The following JAM2 variants were observed in gnomAD, a reference collection of about 807,000 sequenced individuals.
JAM2 encodes junctional adhesion molecule 2, also known as junctional adhesion molecule B.
JAM2 carries 17 observed loss-of-function variants against 42.0 expected under a neutral mutation model. The observed-to-expected ratio is 0.40, with a 90% confidence interval of 0.28 to 0.61. JAM2 has a LOEUF of 0.61. JAM2 is among the 20% of genes least tolerant of loss of function. The probability of loss-of-function intolerance (pLI) is 0.37; values close to 1 mark genes in which losing one functional copy is unlikely to be tolerated. For missense variants in JAM2, 319 were observed against 358.3 expected, an observed-to-expected ratio of 0.89 and a Z score of 0.89; for synonymous variants, 118 against 128.6, an observed-to-expected ratio of 0.92 and a Z score of 0.56.
intron 1 of JAM2, among the ~76,000 whole-genome samples, chr21:25,674,939 A>C (rs1314366066): frequency 6.6e-6 from 1 of 151,964 alleles, no homozygotes; most frequent in African/African-American, 2.4e-5. Context: ...GCAACTTTTT[A>C]TATTTGTTAG....
chr21:25,664,808 C>T (rs2033177990), intron 1 of JAM2, among the ~76,000 whole-genome samples: 1 of 152,126 alleles, frequency 6.6e-6, no homozygotes, highest in Non-Finnish European at 1.5e-5. Flanking sequence ...CCAATAAGTC[C>T]TTTTATACAA....
In JAM2 at chr21:25,639,661, A is replaced by AG; in HGVS notation, c.-156dup. 1 of 508,674 alleles carries AG rather than the reference A, an allele frequency of 2.0e-6. No individual in the cohort carries two copies. Among genetic ancestry groups the AG allele is most frequent in the Non-Finnish European group, 3.5e-6 (1 of 288,350 alleles). 31.5% of individuals were successfully genotyped at this position (508,674 alleles called of 1,614,324 possible). On this transcript the variant is annotated 5_prime_UTR_variant, in exon 1 of 10. Coordinates refer to ENST00000480456, the MANE Select transcript of JAM2 (RefSeq NM_021219.4). ...AGCCAGCTGAGAAGGCGCCCCGGGG[A>AG]GGGGGAAACTGACATCCCATCTAGA... is the stretch of plus-strand genomic sequence containing the variant.
At chr21:25,673,749 C>G (rs1051608351) in intron 1 of JAM2, among the ~76,000 whole-genome samples, 5 of 152,160 alleles carry the variant, frequency 3.3e-5, no homozygotes, top group African/African-American at 4.8e-5. Flanking sequence ...AACACTGTGA[C>G]CTCCAGCAAC....
intron 2 of JAM2, 88 bp downstream of exon 2, chr21:25,684,036 A>T: frequency 1.2e-6 from 1 of 823,136 alleles, no homozygotes. Flanking sequence ...ATTTGTTGGG[A>T]TTCTCTGCCT....
chr21:25,687,087 AT>A (rs1183088294), intron 2 of JAM2, among the ~76,000 whole-genome samples: 1 of 152,184 alleles, frequency 6.6e-6, no homozygotes, highest in Non-Finnish European at 1.5e-5. Flanking sequence ...TTTATTTCAA[AT>A]TGGAGTGATT....
chr21:25,702,323 C>A, intron 6 of JAM2, 54 bp downstream of exon 6: 2 of 1,134,298 alleles, frequency 1.8e-6, no homozygotes, highest in Non-Finnish European at 2.6e-6. Context: ...CTGTGAAGTA[C>A]AGCAGTTGGG....
At chr21:25,683,840 C>T (rs1340515626) in intron 1 of JAM2, 43 bp from the exon 2 acceptor site, 31 of 1,422,438 alleles carry the variant, frequency 2.2e-5, no homozygotes, top group Non-Finnish European at 2.7e-5. Context: ...TGAAAATGAA[C>T]TTTTGTATAA....
At chr21:25,653,089 A>G (rs2032826519) in intron 1 of JAM2, among the ~76,000 whole-genome samples, 1 of 152,186 alleles carries the variant, frequency 6.6e-6, no homozygotes. Context: ...AAAAGCTTCT[A>G]CTTAACATGA....
At chr21:25,650,109 C>T (rs2032731024) in intron 1 of JAM2, among the ~76,000 whole-genome samples, 1 of 152,174 alleles carries the variant, frequency 6.6e-6, no homozygotes, top group Non-Finnish European at 1.5e-5. Flanking sequence ...GTCTTCATGA[C>T]CCAAACACCT....
chr21:25,670,108 C>T (rs372767504), intron 1 of JAM2, among the ~76,000 whole-genome samples: 33 of 152,142 alleles, frequency 2.2e-4, no homozygotes, highest in Non-Finnish European at 3.2e-4. Context: ...AGTTATATTA[C>T]GACAATTAGA....
chr21:25,650,491 A>C (rs566157799), intron 1 of JAM2, among the ~76,000 whole-genome samples: 1 of 152,224 alleles, frequency 6.6e-6, no homozygotes, highest in African/African-American at 2.4e-5. Context: ...CAGGACAGCT[A>C]TCTAAAGATG....
At chr21:25,653,345 C>G (rs981436195) in intron 1 of JAM2, among the ~76,000 whole-genome samples, 4 of 152,204 alleles carry the variant, frequency 2.6e-5, no homozygotes, top group Non-Finnish European at 4.4e-5. Flanking sequence ...GGACACCTGA[C>G]TCCAGTTTTA....
At chr21:25,687,764 G>A (rs942085227) in intron 2 of JAM2, among the ~76,000 whole-genome samples, 32 of 152,084 alleles carry the variant, frequency 2.1e-4, no homozygotes, top group Admixed American at 1.9e-3. Context: ...ACCATATAAT[G>A]AATTCTCTCC....
chr21:25,647,250 A>G (rs1246872418), intron 1 of JAM2, among the ~76,000 whole-genome samples: 2 of 151,576 alleles, frequency 1.3e-5, no homozygotes, highest in African/African-American at 4.9e-5. Context: ...TTTACAAAAC[A>G]AGAAATAAGT....
chr21:25,683,840 C>G, intron 1 of JAM2, 43 bp from the exon 2 acceptor site: 3 of 1,422,556 alleles, frequency 2.1e-6, no homozygotes, highest in Non-Finnish European at 2.0e-6. Context: ...TGAAAATGAA[C>G]TTTTGTATAA....
Position 25,712,323 on chromosome 21 carries a change from T to C in JAM2, c.822-17T>C. 1 of 1,561,770 alleles carries C rather than the reference T, an allele frequency of 6.4e-7. No homozygotes were observed. The highest frequency in any genetic ancestry group is 8.8e-7 in the Non-Finnish European group (1 of 1,134,302). Reference sequence around the variant, plus strand: ...GTGATAATGTAGTAAATATTGTCTTTTATATTCCACAAACAGGAAGAGTAA... The same window carrying C: ...GTGATAATGTAGTAAATATTGTCTTCTATATTCCACAAACAGGAAGAGTAA... On this transcript the variant is annotated splice_polypyrimidine_tract_variant and intron_variant, in intron 8 of 9. Transcript: ENST00000480456.
At chr21:25,704,402 T>C (rs1258661008) in intron 6 of JAM2, among the ~76,000 whole-genome samples, 1 of 152,188 alleles carries the variant, frequency 6.6e-6, no homozygotes, top group Non-Finnish European at 1.5e-5. Context: ...ATTTTGGAGG[T>C]ATTTAAGAAA....
intron 4 of JAM2, among the ~76,000 whole-genome samples, chr21:25,694,479 C>A (rs1213463045): frequency 6.6e-6 from 1 of 152,084 alleles, no homozygotes; most frequent in Non-Finnish European, 1.5e-5. Context: ...AGTGTCTGGA[C>A]TAAGATTTGA....
intron 4 of JAM2, among the ~76,000 whole-genome samples, chr21:25,696,136 G>C (rs925669770): frequency 8.5e-5 from 13 of 152,302 alleles, no homozygotes; most frequent in Non-Finnish European, 1.8e-4. Flanking sequence ...CTGCAATCCC[G>C]GCACCTCGGG....
Sources: allele counts gnomAD v4.1 joint callset (sites outside exome capture counted in the v4.1 genomes callset), GRCh38; gene constraint gnomAD v4.1.1; transcripts MANE v1.5; gene names NCBI Gene and HGNC (gene_info 2026-07-23, HGNC 2026-07-21).